Variants in SEPTIN9 observed in about 807,000 individuals in gnomAD.
SEPTIN9 encodes the protein septin-9.
A neutral mutation model predicts 56.6 loss-of-function variants in SEPTIN9; 13 were observed. The observed-to-expected ratio is 0.23, with a 90% CI of 0.15 to 0.37. The LOEUF is 0.37. Ranked by LOEUF, SEPTIN9 falls within the 10% of genes least tolerant of loss-of-function variation. The pLI is 1.00. For synonymous variants in SEPTIN9, 332 were observed against 334.1 expected (o/e 0.99, Z 0.07); for missense variants, 650 against 823.1 (o/e 0.79, Z 2.57).
intron 1 of SEPTIN9, among the ~76,000 whole-genome samples, chr17:77,282,734 A>G (rs908273305): frequency 6.6e-6 from 1 of 152,244 alleles, no homozygotes; most frequent in Non-Finnish European, 1.5e-5. Flanking sequence ...CCCGGAGCAC[A>G]GCTCTGTCAG....
chr17:77,429,079 G>C lies in SEPTIN9; in HGVS notation c.721+26376G>C, dbSNP rs781566985. The C allele has an allele frequency of 4.2e-6, 2 of 471,640 alleles. No individual in the cohort carries two copies. Among genetic ancestry groups the C allele is most frequent in the Non-Finnish European group, 4.4e-6 (1 of 227,174 alleles). The allele number at this position is 471,640 out of a possible 1,614,324, so 29.2% of individuals were successfully genotyped here. A position where few individuals can be genotyped will look rare whatever the true frequency, so the allele number is the denominator to read the frequency against. On this transcript the variant is annotated intron_variant, in intron 3 of 11. Transcript: ENST00000427177. The surrounding 1 kb of genome is among the most constrained non-coding windows in gnomAD (Gnocchi z 5.2). ...CTGGTTGCAGATGTACCTGTTCTTG[G>C]CTATTTGTGCCCCAGCTCCGTGTCC... is the stretch of plus-strand genomic sequence containing the variant.
Position 77,500,411 on chromosome 17 carries a change from C to T in SEPTIN9, c.*1753C>T. 4.4e-6 allele frequency: 1 copy of T among 227,700 alleles called. No homozygotes were observed. The highest frequency in any genetic ancestry group is 8.7e-6 in the Non-Finnish European group (1 of 114,430). The allele number at this position is 227,700 out of a possible 1,614,324, so 14.1% of individuals were successfully genotyped here. A position where few individuals can be genotyped will look rare whatever the true frequency, so the allele number is the denominator to read the frequency against. The stretch of plus-strand genomic sequence containing the variant: ...TGGGGTGGGGGTGGGCAGCAGCATC[C>T]CAGCCTTGAGATGCTTCACTTTCCT... On this transcript the variant is annotated 3_prime_UTR_variant, in exon 12 of 12. Coordinates refer to ENST00000427177, the MANE Select transcript of SEPTIN9 (RefSeq NM_001113491.2).
intron 2 of SEPTIN9, chr17:77,322,872 G>A (rs2032989533): frequency 6.6e-6 from 1 of 152,404 alleles, no homozygotes; most frequent in South Asian, 2.1e-4. Flanking sequence ...CTGAGGAGGA[G>A]CCATGGGGAG....
At chr17:77,448,822 T>C (rs894356961) in intron 3 of SEPTIN9, among the ~76,000 whole-genome samples, 2 of 152,044 alleles carry the variant, frequency 1.3e-5, no homozygotes, top group African/African-American at 4.8e-5. Flanking sequence ...CTCACACTGT[T>C]GCCCAGGCTG....
intron 2 of SEPTIN9, among the ~76,000 whole-genome samples, chr17:77,378,040 G>T (rs1184611173): frequency 2.0e-5 from 3 of 152,296 alleles, no homozygotes; most frequent in South Asian, 2.1e-4. Flanking sequence ...TTCATTTAGA[G>T]GGGGGCGGAC....
rs994178392 is a variant in SEPTIN9, at chr17:77,425,556, A to AC, written c.721+22858dup. Reference sequence around the variant, plus strand: ...GCAGCTGAGCTGGCGGGCCTCGCACACCCCCAAGGCCGCCTGACTTCCAGC... The same window carrying AC: ...GCAGCTGAGCTGGCGGGCCTCGCACACCCCCCAAGGCCGCCTGACTTCCAGC... On this transcript the variant is annotated intron_variant, in intron 3 of 11. Coordinates refer to ENST00000427177, the MANE Select transcript of SEPTIN9 (RefSeq NM_001113491.2). The surrounding 1 kb of genome is among the most constrained non-coding windows in gnomAD (Gnocchi z 4.2). Among the ~76,000 whole-genome samples the AC allele has an allele frequency of 6.6e-6, 1 of 151,922 alleles. No individual in the cohort carries two copies. The highest frequency in any genetic ancestry group is 2.4e-5 in the African/African-American group (1 of 41,408).
intron 10 of SEPTIN9, 48 bp from the exon 11 acceptor site, chr17:77,497,267 A>G (rs142690305): frequency 1.9e-6 from 3 of 1,574,346 alleles, no homozygotes; most frequent in East Asian, 4.5e-5. Context: ...GGGTCCGGGC[A>G]GAGTTTCTCC....
At chr17:77,300,948 C>A (rs2032024349) in intron 1 of SEPTIN9, among the ~76,000 whole-genome samples, 1 of 134,630 alleles carries the variant, frequency 7.4e-6, no homozygotes, top group Admixed American at 7.8e-5. Flanking sequence ...CTCAAAGCAC[C>A]CCCACCCCAG....
intron 2 of SEPTIN9, among the ~76,000 whole-genome samples, chr17:77,307,920 TTCTCCCCACTGGGTGTCCCTGA>T (rs1435861293): frequency 2.6e-5 from 4 of 152,292 alleles, no homozygotes; most frequent in Non-Finnish European, 5.9e-5. Context: ...GCGCGTCATC[TTCTCCCCACTGGGTGTCCCTGA>T]TCTCCCCTGC....
chr17:77,384,420 G>A (rs2035257375), intron 2 of SEPTIN9, among the ~76,000 whole-genome samples: 1 of 152,002 alleles, frequency 6.6e-6, no homozygotes, highest in Admixed American at 6.6e-5. Context: ...ATAACTCCCG[G>A]GGAGGTGGGG....
intron 2 of SEPTIN9, chr17:77,373,661 G>A: frequency 6.8e-7 from 1 of 1,469,844 alleles, no homozygotes; most frequent in Non-Finnish European, 9.1e-7. Context: ...TGCGCTGAGG[G>A]GAGACGGGAC....
intron 2 of SEPTIN9, among the ~76,000 whole-genome samples, chr17:77,361,165 C>T (rs1409894093): frequency 6.6e-6 from 1 of 152,172 alleles, no homozygotes; most frequent in East Asian, 1.9e-4. Flanking sequence ...CTAAGGTGAT[C>T]CACCCGCCTT....
At chr17:77,471,732 C>T (rs2039005415) in intron 3 of SEPTIN9, among the ~76,000 whole-genome samples, 1 of 152,236 alleles carries the variant, frequency 6.6e-6, no homozygotes, top group Non-Finnish European at 1.5e-5. Flanking sequence ...TGTAAGTTTG[C>T]AGATTTGCCA....
intron 2 of SEPTIN9, among the ~76,000 whole-genome samples, chr17:77,336,361 A>G (rs2033554272): frequency 6.6e-6 from 1 of 152,122 alleles, no homozygotes; most frequent in Non-Finnish European, 1.5e-5. Flanking sequence ...TTTTGTATAG[A>G]TGGTATATCT....
intron 3 of SEPTIN9, among the ~76,000 whole-genome samples, chr17:77,462,880 G>A (rs2038543305): frequency 1.3e-5 from 2 of 151,952 alleles, no homozygotes; most frequent in East Asian, 1.9e-4. Flanking sequence ...GACCTCAAGT[G>A]ATCTGGCCAC....
intron 1 of SEPTIN9, among the ~76,000 whole-genome samples, chr17:77,290,556 G>A (rs532209198): frequency 5.3e-5 from 8 of 151,826 alleles, no homozygotes; most frequent in East Asian, 2.0e-4. Context: ...GGCCGGGAGC[G>A]GTGGCTCACA....
intron 4 of SEPTIN9, chr17:77,482,659 T>G: frequency 1.6e-6 from 1 of 609,840 alleles, no homozygotes; most frequent in Admixed American, 2.7e-5. Context: ...GAGGGTTCTG[T>G]GGCAGCTGTC....
intron 3 of SEPTIN9, among the ~76,000 whole-genome samples, chr17:77,481,482 A>T (rs2039453805): frequency 6.6e-6 from 1 of 151,250 alleles, no homozygotes; most frequent in South Asian, 2.1e-4. Context: ...TTCTCCCAGG[A>T]CTGCTGGCTC....
At chr17:77,468,169 G>T (rs1238585635) in intron 3 of SEPTIN9, among the ~76,000 whole-genome samples, 1 of 152,224 alleles carries the variant, frequency 6.6e-6, no homozygotes, top group Non-Finnish European at 1.5e-5. Context: ...GGAGGCTGAG[G>T]CAGGAGAATG....
Sources: gnomAD v4.1 joint callset for allele counts (sites outside exome capture counted in the v4.1 genomes callset) on GRCh38, gnomAD v4.1.1 for gene constraint, Gnocchi (gnomAD v3.1) non-coding constraint, MANE v1.5 for transcripts, NCBI Gene and HGNC (gene_info 2026-07-23, HGNC 2026-07-21) for gene names.